The following KLF12 variants were observed in gnomAD, a reference collection of about 807,000 sequenced individuals.
The protein encoded by KLF12 is Krueppel-like factor 12.
KLF12 carries 9 observed loss-of-function variants against 37.8 expected under a neutral mutation model. That is an observed-to-expected ratio of 0.24 (90% CI 0.14 to 0.42). The LOEUF (loss-of-function observed/expected upper bound fraction) is 0.42. Ranked by LOEUF, KLF12 falls within the 10% of genes least tolerant of loss-of-function variation. The probability of loss-of-function intolerance (pLI) is 1.00; values close to 1 mark genes in which losing one functional copy is unlikely to be tolerated. For synonymous variants in KLF12, 208 were observed against 202.1 expected (o/e 1.03, Z -0.25); for missense variants, 411 against 516.0 (o/e 0.80, Z 1.97).
intron 2 of KLF12, among the ~76,000 whole-genome samples, chr13:73,983,014 T>C (rs924013530): frequency 2.0e-5 from 3 of 152,192 alleles, no homozygotes; most frequent in Non-Finnish European, 4.4e-5. Context: ...TCTCCTTCTT[T>C]TGCTCTTACT....
intron 5 of KLF12, among the ~76,000 whole-genome samples, chr13:73,791,195 T>C (rs762260686): frequency 6.6e-6 from 1 of 152,362 alleles, no homozygotes; most frequent in African/African-American, 2.4e-5. Flanking sequence ...ATAATTTGTA[T>C]AGGCAGAGTA....
intron 4 of KLF12, 21 bp downstream of exon 4, chr13:73,845,806 A>G: frequency 6.3e-7 from 1 of 1,596,632 alleles, no homozygotes; most frequent in South Asian, 1.1e-5. Flanking sequence ...AAATAAATCA[A>G]GGCTTGTTTA....
chr13:74,240,457 G>A, the KLF12 span, among the ~76,000 whole-genome samples: 5 of 45,620 alleles, frequency 1.1e-4, no homozygotes, highest in African/African-American at 3.8e-4. Context: ...TCTTTGTGGC[G>A]TTCTCTGTAT....
chr13:73,802,315 T>C (rs1452241831), intron 5 of KLF12: 8 of 152,156 alleles, frequency 5.3e-5, no homozygotes, highest in Non-Finnish European at 1.0e-4. Flanking sequence ...ACTTAATGGC[T>C]GCTAGAAGAT....
the KLF12 span, among the ~76,000 whole-genome samples, chr13:74,274,302 A>G: frequency 6.6e-6 from 1 of 152,190 alleles, no homozygotes; most frequent in Admixed American, 6.5e-5. Flanking sequence ...TTTACATATA[A>G]TCAGCTCATA....
At chr13:74,065,967 A>G (rs1244588629) in intron 1 of KLF12, among the ~76,000 whole-genome samples, 1 of 152,102 alleles carries the variant, frequency 6.6e-6, no homozygotes, top group East Asian at 1.9e-4. Context: ...ACAGTAATTC[A>G]CATGTACATA....
chr13:73,958,348 A>G (rs1489463187), intron 2 of KLF12, among the ~76,000 whole-genome samples: 1 of 151,468 alleles, frequency 6.6e-6, no homozygotes, highest in Non-Finnish European at 1.5e-5. Context: ...GGTTCAAGTG[A>G]TTCTACTGCC....
At chr13:73,761,383 C>T (rs546538652) in intron 6 of KLF12, among the ~76,000 whole-genome samples, 1 of 152,270 alleles carries the variant, frequency 6.6e-6, no homozygotes, top group Non-Finnish European at 1.5e-5. Flanking sequence ...TCTCTGCTCT[C>T]CTTCTTTCTA....
chr13:74,196,511 G>A, the KLF12 span, among the ~76,000 whole-genome samples: 1 of 152,122 alleles, frequency 6.6e-6, no homozygotes, highest in Non-Finnish European at 1.5e-5. Context: ...TTAAAATGCT[G>A]CTTGCATTTT....
intron 1 of KLF12, among the ~76,000 whole-genome samples, chr13:74,117,253 G>A (rs1013559808): frequency 1.3e-5 from 2 of 152,040 alleles, no homozygotes; most frequent in Non-Finnish European, 2.9e-5. Flanking sequence ...TGGTAGCTGT[G>A]GCAGGGAAAA....
At chr13:73,766,546 G>A (rs1308042373) in intron 5 of KLF12, among the ~76,000 whole-genome samples, 3 of 152,036 alleles carry the variant, frequency 2.0e-5, no homozygotes, top group Non-Finnish European at 2.9e-5. Context: ...CCCAGTTAAA[G>A]CCCCCTGACC....
intron 1 of KLF12, among the ~76,000 whole-genome samples, chr13:73,997,947 T>C (rs2138288139): frequency 6.6e-6 from 1 of 152,290 alleles, no homozygotes; most frequent in African/African-American, 2.4e-5. Context: ...TAAATACTCA[T>C]GGTTTTAGAG....
intron 1 of KLF12, among the ~76,000 whole-genome samples, chr13:74,085,436 T>C (rs1180896614): frequency 2.6e-5 from 4 of 152,196 alleles, no homozygotes; most frequent in African/African-American, 4.8e-5. Context: ...ACCAATCATA[T>C]GCCTTGAGCA....
the KLF12 span, among the ~76,000 whole-genome samples, chr13:74,214,889 G>A: frequency 6.6e-6 from 1 of 151,980 alleles, no homozygotes; most frequent in Admixed American, 6.6e-5. Context: ...CTGCCCCCCG[G>A]GTTCAAGCGA....
intron 7 of KLF12, among the ~76,000 whole-genome samples, chr13:73,700,150 C>T (rs1319908890): frequency 6.6e-6 from 1 of 151,968 alleles, no homozygotes; most frequent in Non-Finnish European, 1.5e-5. Context: ...ATCTGTAGTC[C>T]CAGCTACTTG....
At chr13:74,087,457 C>A (rs1875381807) in intron 1 of KLF12, among the ~76,000 whole-genome samples, 1 of 152,040 alleles carries the variant, frequency 6.6e-6, no homozygotes, top group South Asian at 2.1e-4. Flanking sequence ...AGCAATCTCA[C>A]AATAGCTCAG....
chr13:74,202,067 C>G, the KLF12 span, among the ~76,000 whole-genome samples: 1 of 152,090 alleles, frequency 6.6e-6, no homozygotes, highest in Non-Finnish European at 1.5e-5. Context: ...ATTTCTTTAT[C>G]TCCAAACTAA....
At chr13:73,831,993 G>A (rs754976934) in intron 4 of KLF12, among the ~76,000 whole-genome samples, 3 of 152,080 alleles carry the variant, frequency 2.0e-5, no homozygotes, top group Non-Finnish European at 4.4e-5. Context: ...CTCTACTTAC[G>A]TGGTTAGAAA....
intron 6 of KLF12, among the ~76,000 whole-genome samples, chr13:73,752,258 C>T (rs1281867095): frequency 6.6e-6 from 1 of 152,184 alleles, no homozygotes; most frequent in African/African-American, 2.4e-5. Context: ...GTTGGGATTA[C>T]AGGCATGAGC....
Sources: gnomAD v4.1 joint callset for allele counts (sites outside exome capture counted in the v4.1 genomes callset) on GRCh38, gnomAD v4.1.1 for gene constraint, MANE v1.5 for transcripts, NCBI Gene and HGNC (gene_info 2026-07-23, HGNC 2026-07-21) for gene names.